Variants in DYNC2H1 observed in about 807,000 individuals in gnomAD.
DYNC2H1 encodes dynein cytoplasmic 2 heavy chain 1, also known as cytoplasmic dynein 2 heavy chain 1.
DYNC2H1 carries 410 observed loss-of-function variants against 570.0 expected under a neutral mutation model. The observed-to-expected ratio is 0.72, with a 90% CI of 0.66 to 0.78. The LOEUF is 0.78. Among genes scored for constraint, DYNC2H1 ranks in the 30% least tolerant of loss-of-function variants. The pLI is 0.00. For missense variants in DYNC2H1, 4,865 were observed against 5,046.4 expected, an observed-to-expected ratio of 0.96 and a Z score of 1.09; for synonymous variants, 1,688 against 1,677.6, an observed-to-expected ratio of 1.01 and a Z score of -0.15.
At chr11:103,388,358 C>T (rs943172101) in intron 83 of DYNC2H1, among the ~76,000 whole-genome samples, 15 of 152,122 alleles carry the variant, frequency 9.9e-5, no homozygotes. Context: ...GATTTTGTAT[C>T]CTGAGACTTT....
intron 79 of DYNC2H1, among the ~76,000 whole-genome samples, chr11:103,313,423 T>C (rs1867685269): frequency 6.6e-6 from 1 of 152,228 alleles, no homozygotes; most frequent in African/African-American, 2.4e-5. Flanking sequence ...GTAAATTGCA[T>C]CACTCTTCCA....
rs190577800 is a variant in DYNC2H1 at position 103,157,393 on chromosome 11, T to G, written c.4127+623T>G. Among the ~76,000 whole-genome samples, 26 of 152,388 alleles carry G rather than the reference T, an allele frequency of 1.7e-4. No individual in the cohort carries two copies. Among genetic ancestry groups the G allele is most frequent in the African/African-American group, 5.5e-4 (23 of 41,602 alleles). On this transcript the variant is annotated intron_variant, in intron 26 of 88. Coordinates refer to ENST00000375735, the MANE Select transcript of DYNC2H1 (RefSeq NM_001377.3). The surrounding 1 kb of genome is among the most constrained non-coding windows in gnomAD (Gnocchi z 4.2). Reference sequence around the variant, plus strand: ...TACCAAACATGCTCAAATAGTAGGCTAAAACTGAATCCATGAGCTTAATTT... The same window carrying G: ...TACCAAACATGCTCAAATAGTAGGCGAAAACTGAATCCATGAGCTTAATTT...
At chr11:103,197,788 T>C in intron 47 of DYNC2H1, 145 bp from the exon 48 acceptor site, 2 of 892,204 alleles carry the variant, frequency 2.2e-6, no homozygotes, top group Non-Finnish European at 3.4e-6. Context: ...CCTTACAATG[T>C]ACACTTTAAA....
rs67831564 is a variant in DYNC2H1, at chr11:103,214,446, C to T, written c.8695-1275C>T. On this transcript the variant is annotated intron_variant, in intron 54 of 88. Coordinates refer to ENST00000375735, the MANE Select transcript of DYNC2H1 (RefSeq NM_001377.3). ...TTTAACAATACTAGTACTTCTTCTT[C>T]TTTTTTTTTTTTTTTTGAGTAGGAG... Among the ~76,000 whole-genome samples the T allele has an allele frequency of 1.5e-3, 197 of 127,432 alleles. 15 individuals are homozygous for T. The highest frequency in any genetic ancestry group is 3.1e-3 in the East Asian group (13 of 4,152). 83.6% of individuals were successfully genotyped at this position (127,432 alleles called of 152,430 possible). A position where few individuals can be genotyped will look rare whatever the true frequency, so the allele number is the denominator to read the frequency against.
intron 83 of DYNC2H1, among the ~76,000 whole-genome samples, chr11:103,387,136 A>G (rs1039032188): frequency 6.6e-6 from 1 of 152,058 alleles, no homozygotes; most frequent in African/African-American, 2.4e-5. Context: ...AAGTGCTCCT[A>G]TTTCTCCACA....
intron 12 of DYNC2H1, among the ~76,000 whole-genome samples, chr11:103,128,608 T>C (rs1859113298): frequency 6.6e-6 from 1 of 152,212 alleles, no homozygotes; most frequent in Admixed American, 6.5e-5. Flanking sequence ...TTTTTAGCAT[T>C]TAACATGCTT....
intron 83 of DYNC2H1, among the ~76,000 whole-genome samples, chr11:103,382,667 T>TAACA (rs10640862): frequency 0.035 from 5,392 of 152,274 alleles, 312 homozygotes; most frequent in African/African-American, 0.12. Flanking sequence ...TTCTTTTTGC[T>TAACA]AACACTTCTG....
Position 103,253,553 on chromosome 11 carries a change from A to C in DYNC2H1, c.10206+105A>C. The C allele has an allele frequency of 8.8e-6, 10 of 1,131,828 alleles. No homozygotes were observed. In the South Asian group the frequency reaches 1.2e-4, roughly 13 times the overall value. 70.1% of individuals were successfully genotyped at this position (1,131,828 alleles called of 1,614,324 possible). On this transcript the variant is annotated intron_variant, in intron 66 of 88. Coordinates refer to ENST00000375735, the MANE Select transcript of DYNC2H1 (RefSeq NM_001377.3). ...TTTTGTTAGACTAATTAGTATTTAC[A>C]TTTATGATTTTGAAAATAATACTTG...
At chr11:103,468,839 G>A (rs1374237237) in intron 88 of DYNC2H1, 134 bp downstream of exon 88, 1 of 621,932 alleles carries the variant, frequency 1.6e-6, no homozygotes, top group East Asian at 2.9e-5. Context: ...CAAATTTGCA[G>A]TCAAAAGTAC....
intron 73 of DYNC2H1, among the ~76,000 whole-genome samples, chr11:103,285,513 C>T (rs1005394855): frequency 2.0e-5 from 3 of 148,480 alleles, no homozygotes; most frequent in African/African-American, 5.0e-5. Flanking sequence ...ACTTCTGCCT[C>T]CCGAGTTCAA....
At position 103,156,413 on chromosome 11, in the gene DYNC2H1, A is replaced by G. The variant is rs1192759466; in HGVS notation, c.3770A>G (p.Glu1257Gly). Residue 1257 changes from glutamate (E) to glycine (G), a missense_variant, in exon 26 of 89, where the codon GAA (glutamate) becomes GGA (glycine). Glu to Gly is a moderately conservative substitution (Grantham distance 98, BLOSUM62 -2). Around this residue, in one of 5 missense-constraint regions of DYNC2H1, gnomAD observed 1,936 missense variants for 1,962.1 expected, o/e 0.99. Transcript: ENST00000375735. The part of the protein sequence containing the change: ...LKDLNSRAQG[E>G]VTIREALREL... ...GATTTAAATAGTCGGGCACAAGGTG[A>G]AGTTACAATCAGAGAAGCTTTACGT... The G allele has an allele frequency of 1.2e-6, 2 of 1,613,408 alleles. No individual in the cohort carries two copies.
At chr11:103,309,125 A>G (rs1451840926) in intron 78 of DYNC2H1, among the ~76,000 whole-genome samples, 2 of 149,050 alleles carry the variant, frequency 1.3e-5, no homozygotes, top group African/African-American at 4.9e-5. Context: ...GAAATAGCAA[A>G]CTATTAAAAC....
At chr11:103,262,550 CA>C (rs1326150668) in intron 70 of DYNC2H1, among the ~76,000 whole-genome samples, 1 of 152,152 alleles carries the variant, frequency 6.6e-6, no homozygotes, top group African/African-American at 2.4e-5. Context: ...CAATATTCAA[CA>C]TTCCTAAAGA....
intron 5 of DYNC2H1, among the ~76,000 whole-genome samples, chr11:103,117,397 G>C (rs917235236): frequency 6.6e-6 from 1 of 151,270 alleles, no homozygotes; most frequent in African/African-American, 2.4e-5. Flanking sequence ...TACTTAAAAG[G>C]TGTAATGGTA....
chr11:103,453,255 T>C (rs1944670864), intron 85 of DYNC2H1, among the ~76,000 whole-genome samples: 2 of 152,166 alleles, frequency 1.3e-5, no homozygotes, highest in Non-Finnish European at 2.9e-5. Flanking sequence ...TGCCAGTTAG[T>C]ATGCCTACGA....
Position 103,280,337 on chromosome 11 carries a change from AT to A in DYNC2H1, c.10696-9del, listed in dbSNP as rs1866081551. The A allele has an allele frequency of 6.4e-7, 1 of 1,552,666 alleles. No individual in the cohort carries two copies. The highest frequency in any genetic ancestry group is 2.4e-5 in the East Asian group (1 of 41,324). On this transcript the variant is annotated splice_polypyrimidine_tract_variant and intron_variant, in intron 70 of 88. Transcript: ENST00000375735. The surrounding 1 kb of genome is among the most constrained non-coding windows in gnomAD (Gnocchi z 4.7). Reference sequence around the variant, plus strand: ...TTTAAAAGGCAAGATAATATCTGTTATTCTTTGCAGGCTGATCAGTTGATGT... The same window carrying A: ...TTTAAAAGGCAAGATAATATCTGTTATCTTTGCAGGCTGATCAGTTGATGT...
At chr11:103,335,105 C>T (rs902714404) in intron 82 of DYNC2H1, among the ~76,000 whole-genome samples, 3 of 151,546 alleles carry the variant, frequency 2.0e-5, no homozygotes, top group African/African-American at 7.3e-5. Context: ...TTTCAATGTC[C>T]CTTATTTTGT....
chr11:103,375,733 C>T (rs1463688834), intron 83 of DYNC2H1, among the ~76,000 whole-genome samples: 2 of 152,136 alleles, frequency 1.3e-5, no homozygotes, highest in African/African-American at 4.8e-5. Context: ...GTCTGTACCC[C>T]CATTGTATCT....
chr11:103,169,562 A>G (rs56399502), intron 32 of DYNC2H1, among the ~76,000 whole-genome samples: 13,459 of 152,210 alleles, frequency 0.088, 786 homozygotes, highest in Non-Finnish European at 0.12. Context: ...ACCCAAATCT[A>G]TCTACCTCAA....
Sources: allele counts gnomAD v4.1 joint callset (sites outside exome capture counted in the v4.1 genomes callset), GRCh38; gene constraint gnomAD v4.1.1; regional missense constraint gnomAD v4.1.1; non-coding constraint Gnocchi (gnomAD v3.1); transcripts MANE v1.5; gene names NCBI Gene and HGNC (gene_info 2026-07-23, HGNC 2026-07-21).